Variants in CLNK observed in about 807,000 individuals in gnomAD.
CLNK encodes cytokine-dependent hematopoietic cell linker.
A neutral mutation model predicts 68.6 loss-of-function variants in CLNK; 74 were observed. The observed-to-expected ratio is 1.08, with a 90% CI of 0.89 to 1.31. CLNK has a LOEUF of 1.31. CLNK is among the 50% of genes most tolerant of loss of function. The probability of loss-of-function intolerance (pLI) is 0.00; values close to 1 mark genes in which losing one functional copy is unlikely to be tolerated. For synonymous variants in CLNK, 198 were observed against 172.2 expected (o/e 1.15, Z -1.17); for missense variants, 553 against 515.3 (o/e 1.07, Z -0.71).
chr4:10,698,604 A>C, the CLNK span, among the ~76,000 whole-genome samples: 1 of 152,184 alleles, frequency 6.6e-6, no homozygotes, highest in Non-Finnish European at 1.5e-5. Flanking sequence ...TCCTTCCAAA[A>C]TTCTCACATT....
chr4:10,542,149 T>TA, intron 9 of CLNK, 106 bp downstream of exon 9: 1 of 1,217,778 alleles, frequency 8.2e-7, no homozygotes. Flanking sequence ...TGATCAGACT[T>TA]ATAAGACATA....
In CLNK at chr4:10,513,826, T is replaced by A. The variant is rs190230068; in HGVS notation, c.773-229A>T. Among the ~76,000 whole-genome samples, 1,149 of 149,338 alleles carry A rather than the reference T, an allele frequency of 7.7e-3. 11 individuals carry two copies. Among genetic ancestry groups the A allele is most frequent in the Middle Eastern group, 0.038 (11 of 290 alleles). ...TAGGGCTCCCAGAGTCATCTTTTTT[T>A]TTTTAAATTATTATTATTATTATTA... is the stretch of plus-strand genomic sequence containing the variant. On this transcript the variant is annotated intron_variant, in intron 15 of 18. Transcript: ENST00000226951.
At chr4:10,667,188 T>C (rs1724432473) in intron 2 of CLNK, among the ~76,000 whole-genome samples, 2 of 152,200 alleles carry the variant, frequency 1.3e-5, no homozygotes, top group South Asian at 4.1e-4. Context: ...AAACTCCTGC[T>C]CTTTCTAATA....
At chr4:10,517,934 T>A (rs1375935031) in intron 15 of CLNK, among the ~76,000 whole-genome samples, 1 of 152,200 alleles carries the variant, frequency 6.6e-6, no homozygotes, top group Non-Finnish European at 1.5e-5. Flanking sequence ...ATGAAAGAAA[T>A]TCTGACTATG....
chr4:10,723,567 G>A, the CLNK span, among the ~76,000 whole-genome samples: 1 of 152,120 alleles, frequency 6.6e-6, no homozygotes, highest in African/African-American at 2.4e-5. Flanking sequence ...AATGTAGGTA[G>A]CCTTGAGGAA....
chr4:10,629,367 TG>T (rs1311811652), intron 2 of CLNK, among the ~76,000 whole-genome samples: 1 of 152,222 alleles, frequency 6.6e-6, no homozygotes, highest in African/African-American at 2.4e-5. Flanking sequence ...TTCTTGGCAC[TG>T]ACCTGGCCTC....
At position 10,560,588 on chromosome 4, in the gene CLNK, C is replaced by T. The variant is rs570049663; in HGVS notation, c.400-2136G>A. On this transcript the variant is annotated intron_variant, in intron 7 of 18. Transcript: ENST00000226951. ...CCTCCCAAGTAGCTGGGACTACAGG[C>T]GTGCGTCACCATGCCCAGCTAATTT... Among the ~76,000 whole-genome samples the T allele has an allele frequency of 6.1e-4, 92 of 151,936 alleles. No homozygotes were observed. In the South Asian group the frequency reaches 0.018, roughly 29 times the overall value.
intron 13 of CLNK, among the ~76,000 whole-genome samples, chr4:10,526,719 T>C (rs1718337570): frequency 2.0e-5 from 3 of 152,208 alleles, no homozygotes; most frequent in East Asian, 1.9e-4. Flanking sequence ...TCTCAATTTT[T>C]TCCCCCCTCG....
At chr4:10,504,955 GAA>G (rs1208940181) in intron 17 of CLNK, among the ~76,000 whole-genome samples, 3 of 152,198 alleles carry the variant, frequency 2.0e-5, no homozygotes, top group Non-Finnish European at 2.9e-5. Flanking sequence ...AGAAAGAGAG[GAA>G]GGGAATATTT....
rs114052601 is a variant in CLNK, at chr4:10,589,955, C to T, written c.84-5000G>A. Reference sequence around the variant, plus strand: ...CATCCATAACATGGCCACGTGCAAGCGGGCCACAGCTGGATGGTGTTATAA... The same window carrying T: ...CATCCATAACATGGCCACGTGCAAGTGGGCCACAGCTGGATGGTGTTATAA... On this transcript the variant is annotated intron_variant, in intron 3 of 18. Coordinates refer to ENST00000226951, the MANE Select transcript of CLNK (RefSeq NM_052964.4). Among the ~76,000 whole-genome samples, 689 of 152,312 alleles carry T rather than the reference C, an allele frequency of 4.5e-3. 5 individuals carry two copies. The highest frequency in any genetic ancestry group is 0.016 in the African/African-American group (671 of 41,562).
At chr4:10,666,923 G>A (rs1183768839) in intron 2 of CLNK, among the ~76,000 whole-genome samples, 1 of 152,168 alleles carries the variant, frequency 6.6e-6, no homozygotes, top group African/African-American at 2.4e-5. Flanking sequence ...TACTCTCTCT[G>A]TCTCTTGGAC....
chr4:10,504,266 G>C (rs998401727), intron 17 of CLNK, among the ~76,000 whole-genome samples: 1 of 151,570 alleles, frequency 6.6e-6, no homozygotes, highest in African/African-American at 2.4e-5. Flanking sequence ...GACTACAGGC[G>C]CCCGCCACCA....
At chr4:10,508,952 C>CA (rs1197736299) in intron 16 of CLNK, among the ~76,000 whole-genome samples, 8 of 151,916 alleles carry the variant, frequency 5.3e-5, no homozygotes, top group Admixed American at 3.3e-4. Flanking sequence ...ACTAAAACTA[C>CA]AAAAATTAGC....
At position 10,511,159 on chromosome 4, in the gene CLNK, C is replaced by CA. The variant is rs1166569713; in HGVS notation, c.906+2304dup. ...GGCAAAAAGAGCGGAAACTCTGTCT[C>CA]AAAAAAAATTAAAAAAAAAAAAAGC... On this transcript the variant is annotated intron_variant, in intron 16 of 18. Transcript: ENST00000226951. Among the ~76,000 whole-genome samples the CA allele has an allele frequency of 4.7e-5, 7 of 149,096 alleles. No individual in the cohort carries two copies. In the South Asian group the frequency reaches 6.5e-4, roughly 14 times the overall value.
chr4:10,561,985 G>A (rs1719905578), intron 7 of CLNK, among the ~76,000 whole-genome samples: 1 of 152,128 alleles, frequency 6.6e-6, no homozygotes, highest in African/African-American at 2.4e-5. Context: ...GGCTAAAATA[G>A]CACCTGACCT....
At chr4:10,593,729 A>G (rs1721276244) in intron 3 of CLNK, among the ~76,000 whole-genome samples, 4 of 152,220 alleles carry the variant, frequency 2.6e-5, no homozygotes, top group Non-Finnish European at 5.9e-5. Flanking sequence ...ACTGGGCCTC[A>G]TGGGCCCTGA....
chr4:10,723,101 G>A, the CLNK span, among the ~76,000 whole-genome samples: 5 of 152,050 alleles, frequency 3.3e-5, no homozygotes, highest in African/African-American at 1.2e-4. Flanking sequence ...TATGCTGTAT[G>A]TAAATGAAGA....
chr4:10,559,762 A>G (rs1719816303), intron 7 of CLNK, among the ~76,000 whole-genome samples: 1 of 152,172 alleles, frequency 6.6e-6, no homozygotes, highest in African/African-American at 2.4e-5. Flanking sequence ...TGTCAAATAA[A>G]TATTTACTAG....
chr4:10,699,949 T>C, the CLNK span, among the ~76,000 whole-genome samples: 1 of 152,080 alleles, frequency 6.6e-6, no homozygotes, highest in Non-Finnish European at 1.5e-5. Context: ...TCTAATATTT[T>C]TTAATCTGTG....
Sources: gnomAD v4.1 joint callset for allele counts (sites outside exome capture counted in the v4.1 genomes callset) on GRCh38, gnomAD v4.1.1 for gene constraint, MANE v1.5 for transcripts, NCBI Gene and HGNC (gene_info 2026-07-23, HGNC 2026-07-21) for gene names.